The following GALNT18 variants were observed in gnomAD, a reference collection of about 807,000 sequenced individuals.
The protein encoded by GALNT18 is GalNAc-transferase 18.
Under a neutral mutation model 69.5 loss-of-function variants are expected in GALNT18, and 44 were observed. The ratio of observed to expected loss-of-function variants is 0.63; its 90% CI spans 0.50 to 0.81. The LOEUF (loss-of-function observed/expected upper bound fraction) is 0.81. GALNT18 is among the 40% of genes least tolerant of loss of function. GALNT18 has a pLI of 0.00. For missense variants in GALNT18, 715 were observed against 810.0 expected, an observed-to-expected ratio of 0.88 and a Z score of 1.42; for synonymous variants, 364 against 318.2, an observed-to-expected ratio of 1.14 and a Z score of -1.53.
intron 1 of GALNT18, among the ~76,000 whole-genome samples, chr11:11,517,700 G>A (rs964937993): frequency 6.6e-6 from 1 of 151,974 alleles, no homozygotes; most frequent in African/African-American, 2.4e-5. Context: ...GCAGAAACAG[G>A]GCCCCTGCCA....
In GALNT18 at chr11:11,620,352, C is replaced by T. The variant is rs950985021; in HGVS notation, c.235+1007G>A. 5.5e-5 allele frequency among the ~76,000 whole-genome samples: 8 copies of T among 145,052 alleles called. No homozygotes were observed. The highest frequency in any genetic ancestry group is 2.1e-4 in the South Asian group (1 of 4,774). On this transcript the variant is annotated intron_variant, in intron 1 of 10. Coordinates refer to ENST00000227756, the MANE Select transcript of GALNT18 (RefSeq NM_198516.3). This position sits in a 1 kb window ranked among gnomAD's most constrained non-coding sequence, Gnocchi z 6.9. ...GCGCGCGTGTGTGTGTGTGTGTGCA[C>T]ACCCGGCACCAGTGCTCCTGGCGCC...
intron 1 of GALNT18, among the ~76,000 whole-genome samples, chr11:11,492,098 G>C (rs151219425): frequency 6.6e-6 from 1 of 152,070 alleles, no homozygotes; most frequent in African/African-American, 2.4e-5. Flanking sequence ...AAAGAAAAAA[G>C]GAAAAAAAAC....
intron 7 of GALNT18, among the ~76,000 whole-genome samples, chr11:11,334,828 G>A (rs1383620990): frequency 6.6e-6 from 1 of 152,120 alleles, no homozygotes; most frequent in African/African-American, 2.4e-5. Context: ...ACTCACCTCT[G>A]TGCCCCCAGG....
rs1188316431 is a variant in GALNT18, at chr11:11,435,207, C to T, written c.429-2420G>A. On this transcript the variant is annotated intron_variant, in intron 2 of 10. Coordinates refer to ENST00000227756, the MANE Select transcript of GALNT18 (RefSeq NM_198516.3). The surrounding 1 kb of genome is among the most constrained non-coding windows in gnomAD (Gnocchi z 4.4). ...CACTGCGTTCCCAGAGCCTCAGTAT[C>T]CAAATTTCCAGGGTGTTCAGAGATG... Among the ~76,000 whole-genome samples, 1 of 152,130 alleles carries T rather than the reference C, an allele frequency of 6.6e-6. No homozygotes were observed. The highest frequency in any genetic ancestry group is 1.5e-5 in the Non-Finnish European group (1 of 68,008).
At chr11:11,581,646 TG>T (rs1334136095) in intron 1 of GALNT18, among the ~76,000 whole-genome samples, 9 of 152,136 alleles carry the variant, frequency 5.9e-5, no homozygotes, top group Admixed American at 2.0e-4. Context: ...CAACAGGGGC[TG>T]CCGAGTGGGC....
chr11:11,342,200 G>A (rs914949696), intron 6 of GALNT18, among the ~76,000 whole-genome samples: 1 of 152,204 alleles, frequency 6.6e-6, no homozygotes. Flanking sequence ...TACTTTATAA[G>A]TACTTGCTGA....
chr11:11,423,946 G>A (rs917745450), intron 3 of GALNT18, among the ~76,000 whole-genome samples: 4 of 152,196 alleles, frequency 2.6e-5, no homozygotes, highest in Admixed American at 1.3e-4. Context: ...AGCTGGGGGC[G>A]CCTGGTCAGG....
chr11:11,374,728 G>A (rs1457251545), intron 5 of GALNT18, among the ~76,000 whole-genome samples: 2 of 152,196 alleles, frequency 1.3e-5, no homozygotes, highest in South Asian at 2.1e-4. Flanking sequence ...ATTCCTGAAA[G>A]GATTAGAAAT....
In GALNT18 at chr11:11,423,053, T is replaced by C. The variant is rs536330702; in HGVS notation, c.595+9568A>G. 7.9e-5 allele frequency among the ~76,000 whole-genome samples: 12 copies of C among 152,282 alleles called. No homozygotes were observed. In the South Asian group the frequency reaches 2.3e-3, roughly 29 times the overall value. On this transcript the variant is annotated intron_variant, in intron 3 of 10. Coordinates refer to ENST00000227756, the MANE Select transcript of GALNT18 (RefSeq NM_198516.3). Reference sequence around the variant, plus strand: ...TGTGCCTGTATATGCTGCTTATGCATGCACACTACTGCGTAAGTGCGCACA... The same window carrying C: ...TGTGCCTGTATATGCTGCTTATGCACGCACACTACTGCGTAAGTGCGCACA...
intron 1 of GALNT18, among the ~76,000 whole-genome samples, chr11:11,486,870 G>A (rs1206330245): frequency 6.6e-6 from 1 of 152,230 alleles, no homozygotes; most frequent in Non-Finnish European, 1.5e-5. Flanking sequence ...AATGTAAAGG[G>A]AGATGGATAA....
chr11:11,569,512 G>A (rs1165515962), intron 1 of GALNT18, among the ~76,000 whole-genome samples: 1 of 152,166 alleles, frequency 6.6e-6, no homozygotes, highest in Admixed American at 6.5e-5. Flanking sequence ...CAGAGGGCTT[G>A]CAGACCATGG....
chr11:11,353,911 C>T (rs1564907327), intron 6 of GALNT18, among the ~76,000 whole-genome samples: 1 of 152,180 alleles, frequency 6.6e-6, no homozygotes, highest in East Asian at 1.9e-4. Context: ...GGGGAGCAGA[C>T]ATCAGAGGAA....
chr11:11,293,861 T>G (rs1849350686), intron 9 of GALNT18, among the ~76,000 whole-genome samples: 4 of 152,218 alleles, frequency 2.6e-5, no homozygotes, highest in Admixed American at 2.6e-4. Context: ...CTGTGCTTTG[T>G]CAGAGTAAAA....
At chr11:11,412,900 C>A (rs556752793) in intron 3 of GALNT18, among the ~76,000 whole-genome samples, 1 of 152,302 alleles carries the variant, frequency 6.6e-6, no homozygotes, top group South Asian at 2.1e-4. Flanking sequence ...TAGAAATTAA[C>A]ACCCCCAGAA....
chr11:11,409,066 AT>A (rs1854664264), intron 3 of GALNT18, among the ~76,000 whole-genome samples: 1 of 152,206 alleles, frequency 6.6e-6, no homozygotes, highest in Non-Finnish European at 1.5e-5. Flanking sequence ...TGTGTCTTTA[AT>A]TAAAAACAGC....
intron 1 of GALNT18, among the ~76,000 whole-genome samples, chr11:11,566,146 A>G (rs1474678203): frequency 6.6e-6 from 1 of 152,222 alleles, no homozygotes; most frequent in Non-Finnish European, 1.5e-5. Context: ...TTGATTAGAT[A>G]CTGGATTACA....
chr11:11,539,064 T>TGC (rs1187102132), intron 1 of GALNT18, among the ~76,000 whole-genome samples: 63 of 152,298 alleles, frequency 4.1e-4, no homozygotes, highest in East Asian at 2.1e-3. Flanking sequence ...GGCACTAATG[T>TGC]CTGCTGAATG....
At chr11:11,319,657 A>G (rs1277661695) in intron 9 of GALNT18, among the ~76,000 whole-genome samples, 1 of 152,228 alleles carries the variant, frequency 6.6e-6, no homozygotes, top group Non-Finnish European at 1.5e-5. Context: ...ATCCTTCAGA[A>G]TGTCCCTGGA....
At chr11:11,575,433 C>T (rs1182627181) in intron 1 of GALNT18, among the ~76,000 whole-genome samples, 5 of 152,248 alleles carry the variant, frequency 3.3e-5, no homozygotes, top group African/African-American at 1.2e-4. Flanking sequence ...CCTCTGACCT[C>T]TCAGGAGGAG....
Sources: allele counts gnomAD v4.1 joint callset (sites outside exome capture counted in the v4.1 genomes callset), GRCh38; gene constraint gnomAD v4.1.1; non-coding constraint Gnocchi (gnomAD v3.1); transcripts MANE v1.5; gene names NCBI Gene and HGNC (gene_info 2026-07-23, HGNC 2026-07-21).